STAR: variants seen among roughly 807,000 people sequenced by gnomAD.
STAR encodes the protein steroidogenic acute regulatory protein, also known as steroidogenic acute regulatory protein, mitochondrial.
STAR carries 32 observed loss-of-function variants against 32.3 expected under a neutral mutation model. The observed-to-expected ratio is 0.99, with a 90% confidence interval of 0.75 to 1.33. STAR has a LOEUF of 1.33. STAR is among the 40% of genes most tolerant of loss of function. STAR has a pLI of 0.00. For synonymous variants in STAR, 134 were observed against 140.5 expected (o/e 0.95, Z 0.33); for missense variants, 375 against 379.0 (o/e 0.99, Z 0.09).
intron 1 of STAR, 56 bp downstream of exon 1, chr8:38,150,699 G>A: frequency 6.2e-7 from 1 of 1,602,242 alleles, no homozygotes; most frequent in Non-Finnish European, 8.5e-7. Context: ...GGTGGCCTGA[G>A]CCTCATCCGC....
Position 38,146,381 on chromosome 8 carries a change from C to A in STAR, c.373G>T (p.Val125Leu). 1 of 1,614,138 alleles carries A rather than the reference C, an allele frequency of 6.2e-7. No individual in the cohort carries two copies. Among genetic ancestry groups the A allele is most frequent in the Non-Finnish European group, 8.5e-7 (1 of 1,180,040 alleles). ...DVGKVFRLEV[V>L]VDQPMERLYE... ...AGCCTCTCCATGGGCTGGTCCACCA[C>A]GACCTCCAGCCGGAACACCTTGCCC... The change falls in exon 4 of 7, where the codon GTG (valine) becomes TTG (leucine). Residue 125 changes from valine to leucine, a missense_variant. Val to Leu is a conservative substitution (Grantham distance 32). Coordinates refer to ENST00000276449, the MANE Select transcript of STAR (RefSeq NM_000349.3).
chr8:38,149,761 C>T lies in STAR; in HGVS notation c.64+994G>A, dbSNP rs557953690. Among the ~76,000 whole-genome samples the T allele has an allele frequency of 2.6e-5, 4 of 152,230 alleles. No homozygotes were observed. In the East Asian group the frequency reaches 7.8e-4, roughly 30 times the overall value. ...GGCTGAGGCAGGAGAATTGCTTGAACCCAGGACGCAGAGGCTGCAGTGAGC... is the reference window on the plus strand; with the variant it reads ...GGCTGAGGCAGGAGAATTGCTTGAATCCAGGACGCAGAGGCTGCAGTGAGC... On this transcript the variant is annotated intron_variant, in intron 1 of 6. Transcript: ENST00000276449.
intron 3 of STAR, among the ~76,000 whole-genome samples, chr8:38,147,610 G>A (rs141497215): frequency 4.5e-4 from 69 of 152,352 alleles, no homozygotes; most frequent in African/African-American, 1.5e-3. Flanking sequence ...AGGGAAGGAA[G>A]GGTTCTACCT....
At position 38,150,801 on chromosome 8, in the gene STAR, G is replaced by T. The variant is rs1012931648; in HGVS notation, c.18C>A (p.Phe6Leu). ...TGTAGGAGCTCCCAGCGCACAGCTT[G>T]AATGTCGCTAGCAGCATTGTTTCCT... is the stretch of plus-strand genomic sequence containing the variant. MLLATFKLCAGSSYRH... is the reference protein window; with the variant it reads MLLATLKLCAGSSYRH... Residue 6 changes from phenylalanine (F) to leucine (L), a missense_variant, in exon 1 of 7, where the codon TTC becomes TTA. By Grantham distance (22) the Phe-to-Leu change is conservative. Coordinates refer to ENST00000276449, the MANE Select transcript of STAR (RefSeq NM_000349.3). The T allele has an allele frequency of 6.2e-7, 1 of 1,606,592 alleles. No individual in the cohort carries two copies. Among genetic ancestry groups the T allele is most frequent in the Non-Finnish European group, 8.5e-7 (1 of 1,179,982 alleles).
Position 38,150,856 on chromosome 8 carries a change from C to CGCT in STAR, c.-41_-39dup, listed in dbSNP as rs777655284. On this transcript the variant is annotated 5_prime_UTR_variant, in exon 1 of 7. Transcript: ENST00000276449. ...AATGTGGCAGTGGTGGGGTCGCTGC[C>CGCT]GCTGCTGCTGCCGCCGCTGCTGCTG... The CGCT allele has an allele frequency of 6.1e-5, 98 of 1,600,580 alleles. 1 individual carries two copies. Among genetic ancestry groups the CGCT allele is most frequent in the African/African-American group, 5.1e-4 (38 of 74,802 alleles).
intron 6 of STAR, chr8:38,144,702 A>G (rs1026723290): frequency 2.6e-6 from 3 of 1,133,150 alleles, no homozygotes; most frequent in South Asian, 1.6e-5. Flanking sequence ...ATAACTACAT[A>G]TAAGAGTTGA....
chr8:38,147,592 G>A (rs1802595528), intron 3 of STAR, among the ~76,000 whole-genome samples: 1 of 152,220 alleles, frequency 6.6e-6, no homozygotes, highest in Non-Finnish European at 1.5e-5. Flanking sequence ...CCATTACTCT[G>A]AGAACTTAGG....
chr8:38,150,012 C>T (rs984906873), intron 1 of STAR, among the ~76,000 whole-genome samples: 3 of 151,870 alleles, frequency 2.0e-5, no homozygotes, highest in Admixed American at 6.6e-5. Flanking sequence ...TCCCAGCTAC[C>T]CAGGAGGCGG....
chr8:38,145,119 T>TATCA, intron 6 of STAR, 103 bp downstream of exon 6: 1 of 1,565,172 alleles, frequency 6.4e-7, no homozygotes, highest in East Asian at 2.3e-5. Flanking sequence ...CCTGTGATTC[T>TATCA]ATCAGAATAG....
At chr8:38,146,604 CG>C (rs570042322) in intron 3 of STAR, among the ~76,000 whole-genome samples, 157 bp from the exon 4 acceptor site, 111 of 152,068 alleles carry the variant, frequency 7.3e-4, no homozygotes, top group African/African-American at 2.6e-3. Context: ...GGTGAAACCC[CG>C]TCTCTACTAA....
rs1802496910 is a variant in STAR, at chr8:38,143,201, T to C, written c.*1072A>G. Among the ~76,000 whole-genome samples, 1 of 152,204 alleles carries C rather than the reference T, an allele frequency of 6.6e-6. No homozygotes were observed. The highest frequency in any genetic ancestry group is 1.5e-5 in the Non-Finnish European group (1 of 68,034). Reference sequence around the variant, plus strand: ...GAGTCTAAATTATTGAATTGCATAATTTCCCAGTAGTTCCTTTCCTTTTAA... The same window carrying C: ...GAGTCTAAATTATTGAATTGCATAACTTCCCAGTAGTTCCTTTCCTTTTAA... On this transcript the variant is annotated 3_prime_UTR_variant, in exon 7 of 7. Transcript: ENST00000276449.
At chr8:38,145,376 T>A (rs1802552067) in intron 5 of STAR, 61 bp from the exon 6 acceptor site, 3 of 1,607,722 alleles carry the variant, frequency 1.9e-6, no homozygotes, top group Non-Finnish European at 2.6e-6. Context: ...CACTGGCTGC[T>A]TACACCAGTA....
At chr8:38,145,795 C>G (rs1193299808) in intron 5 of STAR, 168 bp downstream of exon 5, 1 of 837,820 alleles carries the variant, frequency 1.2e-6, no homozygotes, top group Non-Finnish European at 1.9e-6. Flanking sequence ...TAGGGCCTAT[C>G]TTGTCTTTGT....
chr8:38,145,316 C>T lies in STAR; in HGVS notation c.651-1G>A, dbSNP rs749626865. ...CATGCAAGTGGGACCGTGCTCCGCC[C>T]TGGCAAATGGAGAAGTCAAGTCAGG... is the stretch of plus-strand genomic sequence containing the variant. On this transcript the variant is annotated splice_acceptor_variant, in intron 5 of 6. Coordinates refer to ENST00000276449, the MANE Select transcript of STAR (RefSeq NM_000349.3). LOFTEE classifies it high-confidence loss of function. 4 of 1,614,140 alleles carry T rather than the reference C, an allele frequency of 2.5e-6. No individual in the cohort carries two copies. The South Asian group carries it at 4.4e-5, about 18-fold the overall frequency.
Position 38,144,354 on chromosome 8 carries a change from G to T in STAR, c.777C>A (p.Val259=), listed in dbSNP as rs753507255. The T allele has an allele frequency of 5.6e-6, 9 of 1,607,092 alleles. No homozygotes were observed. Among genetic ancestry groups the T allele is most frequent in the Non-Finnish European group, 7.6e-6 (9 of 1,176,974 alleles). ...CAAAATCCACCTGGGTCTGGGACAG[G>T]ACCTGGTTGATGATGCTCTTGGGCA... ...GWLPKSIINQ[V]LSQTQVDFAN... The change falls in exon 7 of 7, where the codon GTC becomes GTA. Residue 259 remains valine, a synonymous_variant. Transcript: ENST00000276449.
rs2130610589 is a variant in STAR at position 38,143,978 on chromosome 8, G to T, written c.*295C>A. On this transcript the variant is annotated 3_prime_UTR_variant, in exon 7 of 7. Coordinates refer to ENST00000276449, the MANE Select transcript of STAR (RefSeq NM_000349.3). ...ACTAGCATTTTAAAGATGGTTTTAG[G>T]TGGGTACATAAGGGCCCAGAAAAAA... 1 of 377,462 alleles carries T rather than the reference G, an allele frequency of 2.6e-6. No homozygotes were observed. The highest frequency in any genetic ancestry group is 2.1e-5 in the South Asian group (1 of 46,914). 23.4% of individuals were successfully genotyped at this position (377,462 alleles called of 1,614,324 possible).
chr8:38,147,400 C>A (rs1169130023), intron 3 of STAR, among the ~76,000 whole-genome samples: 1 of 152,138 alleles, frequency 6.6e-6, no homozygotes, highest in Non-Finnish European at 1.5e-5. Flanking sequence ...GTGTTTTACA[C>A]CAGCTTAATT....
chr8:38,146,362 T>C lies in STAR; in HGVS notation c.392A>G (p.Glu131Gly). ...RLEVVVDQPMERLYEELVERM... is the reference protein window; with the variant it reads ...RLEVVVDQPMGRLYEELVERM... ...CTCCACGAGCTCTTCATAGAGCCTC[T>C]CCATGGGCTGGTCCACCACGACCTC... The change falls in exon 4 of 7, where the codon GAG becomes GGG. Residue 131 changes from glutamate to glycine, a missense_variant. Coordinates refer to ENST00000276449, the MANE Select transcript of STAR (RefSeq NM_000349.3). 6.2e-7 allele frequency: 1 copy of C among 1,614,152 alleles called. No homozygotes were observed. The highest frequency in any genetic ancestry group is 1.1e-5 in the South Asian group (1 of 91,084).
rs1237141011 is a variant in STAR, at chr8:38,143,215, C to T, written c.*1058G>A. On this transcript the variant is annotated 3_prime_UTR_variant, in exon 7 of 7. Coordinates refer to ENST00000276449, the MANE Select transcript of STAR (RefSeq NM_000349.3). ...GAATTGCATAATTTCCCAGTAGTTCCTTTCCTTTTAATGAGCCTTAATTTA... is the reference window on the plus strand; with the variant it reads ...GAATTGCATAATTTCCCAGTAGTTCTTTTCCTTTTAATGAGCCTTAATTTA... 1.3e-5 allele frequency among the ~76,000 whole-genome samples: 2 copies of T among 152,014 alleles called. No homozygotes were observed. The highest frequency in any genetic ancestry group is 4.8e-5 in the African/African-American group (2 of 41,392).
Sources: gnomAD v4.1 joint callset for allele counts (sites outside exome capture counted in the v4.1 genomes callset) on GRCh38, gnomAD v4.1.1 for gene constraint, MANE v1.5 for transcripts, NCBI Gene and HGNC (gene_info 2026-07-23, HGNC 2026-07-21) for gene names.